Variants in CTNND2 observed in about 807,000 individuals in gnomAD.
CTNND2 encodes the protein catenin delta 2.
Under a neutral mutation model 144.4 loss-of-function variants are expected in CTNND2, and 22 were observed. That is an observed-to-expected ratio of 0.15 (90% CI 0.11 to 0.22). The LOEUF (loss-of-function observed/expected upper bound fraction) is 0.22, where lower values mean the gene tolerates loss of function less well. CTNND2 is among the 10% of genes least tolerant of loss of function. The pLI, the probability that CTNND2 is intolerant of heterozygous loss-of-function variation, is 1.00. For missense variants in CTNND2, 1,353 were observed against 1,618.8 expected (o/e 0.84, Z 2.82); for synonymous variants, 751 against 695.6 (o/e 1.08, Z -1.25).
chr5:11,245,859 G>C (rs1446727933), intron 9 of CTNND2, among the ~76,000 whole-genome samples: 4 of 152,308 alleles, frequency 2.6e-5, no homozygotes, highest in Non-Finnish European at 4.4e-5. Flanking sequence ...TTCCAATTTG[G>C]AGAGTCTTCG....
intron 2 of CTNND2, among the ~76,000 whole-genome samples, chr5:11,625,531 G>A (rs1781112593): frequency 1.3e-5 from 2 of 151,680 alleles, no homozygotes; most frequent in African/African-American, 4.8e-5. Context: ...AGGAAATAAG[G>A]GAACAAAATC....
At chr5:11,800,310 T>C (rs1391896340) in intron 1 of CTNND2, among the ~76,000 whole-genome samples, 1 of 152,108 alleles carries the variant, frequency 6.6e-6, no homozygotes, top group Non-Finnish European at 1.5e-5. Flanking sequence ...TTCAATACGA[T>C]ATGGTTTAAA....
chr5:11,010,924 C>A (rs534444570), intron 18 of CTNND2, among the ~76,000 whole-genome samples: 1 of 152,190 alleles, frequency 6.6e-6, no homozygotes, highest in Non-Finnish European at 1.5e-5. Context: ...TCTCTCATCA[C>A]GAAGGCAAGA....
chr5:11,481,209 T>C (rs575407362), intron 3 of CTNND2, among the ~76,000 whole-genome samples: 1 of 152,232 alleles, frequency 6.6e-6, no homozygotes, highest in East Asian at 1.9e-4. Context: ...CTGTCTTTAT[T>C]GAAAAATTTG....
chr5:11,457,020 A>T (rs948500363), intron 3 of CTNND2, among the ~76,000 whole-genome samples: 1 of 152,256 alleles, frequency 6.6e-6, no homozygotes, highest in African/African-American at 2.4e-5. Context: ...AACTTGTAAT[A>T]GCCACTTAAT....
intron 9 of CTNND2, among the ~76,000 whole-genome samples, chr5:11,293,175 T>C (rs989097744): frequency 6.6e-6 from 1 of 152,172 alleles, no homozygotes; most frequent in African/African-American, 2.4e-5. Context: ...TATTTATCAA[T>C]AGCAGAGCAA....
chr5:11,704,063 A>G (rs917868986), intron 2 of CTNND2, among the ~76,000 whole-genome samples: 1 of 152,252 alleles, frequency 6.6e-6, no homozygotes, highest in African/African-American at 2.4e-5. Context: ...AGGGAAAAAG[A>G]AAGGAAATGA....
chr5:11,475,746 T>C (rs1767666080), intron 3 of CTNND2, among the ~76,000 whole-genome samples: 1 of 152,206 alleles, frequency 6.6e-6, no homozygotes, highest in Non-Finnish European at 1.5e-5. Flanking sequence ...CTTTAGATAT[T>C]TTATGTCCTA....
intron 16 of CTNND2, among the ~76,000 whole-genome samples, chr5:11,079,019 T>C (rs994903956): frequency 2.0e-5 from 3 of 152,316 alleles, no homozygotes; most frequent in Admixed American, 1.3e-4. Flanking sequence ...CTGCAAATAT[T>C]ATGGTTTTTC....
intron 2 of CTNND2, among the ~76,000 whole-genome samples, chr5:11,647,136 T>C (rs1782397174): frequency 6.6e-6 from 1 of 152,182 alleles, no homozygotes; most frequent in Non-Finnish European, 1.5e-5. Flanking sequence ...CAAACTCTAC[T>C]GTTCTTTGCT....
chr5:11,070,693 G>A (rs1317245353), intron 16 of CTNND2, among the ~76,000 whole-genome samples: 2 of 151,856 alleles, frequency 1.3e-5, no homozygotes, highest in Non-Finnish European at 2.9e-5. Context: ...TTGAAGTGCT[G>A]AAAAAAATTA....
chr5:11,236,422 G>C (rs1441237926), intron 10 of CTNND2, among the ~76,000 whole-genome samples: 1 of 152,210 alleles, frequency 6.6e-6, no homozygotes, highest in Non-Finnish European at 1.5e-5. Context: ...CACGTTCCAA[G>C]TATGGCATTT....
chr5:11,463,666 A>G (rs1372106420), intron 3 of CTNND2, among the ~76,000 whole-genome samples: 1 of 151,490 alleles, frequency 6.6e-6, no homozygotes, highest in Non-Finnish European at 1.5e-5. Context: ...CTGAGAGAGC[A>G]CACATGGGGT....
At chr5:11,257,630 A>C (rs531805710) in intron 9 of CTNND2, among the ~76,000 whole-genome samples, 16 of 152,148 alleles carry the variant, frequency 1.1e-4, no homozygotes, top group Non-Finnish European at 1.9e-4. Context: ...TTATGATTCA[A>C]TTACCTCCCA....
chr5:11,757,504 T>G (rs1789018516), intron 1 of CTNND2, among the ~76,000 whole-genome samples: 2 of 151,924 alleles, frequency 1.3e-5, no homozygotes, highest in Admixed American at 6.6e-5. Context: ...TGTCTAAGAA[T>G]ACAAACATCT....
intron 11 of CTNND2, among the ~76,000 whole-genome samples, chr5:11,170,025 T>C (rs904486968): frequency 6.6e-6 from 1 of 152,200 alleles, no homozygotes; most frequent in Non-Finnish European, 1.5e-5. Flanking sequence ...TTTTTGTTAA[T>C]CACCTGCATG....
intron 9 of CTNND2, among the ~76,000 whole-genome samples, 191 bp from the exon 10 acceptor site, chr5:11,237,014 T>C (rs1026276864): frequency 6.6e-5 from 10 of 151,826 alleles, no homozygotes; most frequent in African/African-American, 2.4e-4. Context: ...AATAGTTTTC[T>C]TTCTTTTCTT....
intron 12 of CTNND2, among the ~76,000 whole-genome samples, chr5:11,148,765 G>A (rs1757476215): frequency 6.6e-6 from 1 of 152,198 alleles, no homozygotes; most frequent in African/African-American, 2.4e-5. Flanking sequence ...CTGGGTGCTT[G>A]GGAGGAAACA....
chr5:11,486,692 T>C (rs1768866536), intron 3 of CTNND2, among the ~76,000 whole-genome samples: 1 of 151,958 alleles, frequency 6.6e-6, no homozygotes, highest in Admixed American at 6.6e-5. Context: ...AAAAAAGCAA[T>C]TCAAAAATCA....
Sources: gnomAD v4.1 joint callset for allele counts (sites outside exome capture counted in the v4.1 genomes callset) on GRCh38, gnomAD v4.1.1 for gene constraint, MANE v1.5 for transcripts, NCBI Gene and HGNC (gene_info 2026-07-23, HGNC 2026-07-21) for gene names.